OSBPL8: variants seen among roughly 807,000 people sequenced by gnomAD.
OSBPL8 encodes the protein oxysterol-binding protein-related protein 8.
A neutral mutation model predicts 125.5 loss-of-function variants in OSBPL8; 59 were observed. That is an observed-to-expected ratio of 0.47 (90% CI 0.38 to 0.58). The LOEUF (loss-of-function observed/expected upper bound fraction) is 0.58. OSBPL8 is among the 20% of genes least tolerant of loss of function. The pLI, the probability that OSBPL8 is intolerant of heterozygous loss-of-function variation, is 0.00. For synonymous variants in OSBPL8, 330 were observed against 338.9 expected (o/e 0.97, Z 0.29); for missense variants, 758 against 1,047.8 (o/e 0.72, Z 3.82).
chr12:76,473,964 C>T lies in OSBPL8; in HGVS notation c.42+13546G>A, dbSNP rs1876493509. On this transcript the variant is annotated intron_variant, in intron 2 of 23. Coordinates refer to ENST00000261183, the MANE Select transcript of OSBPL8 (RefSeq NM_020841.5). Reference sequence around the variant, plus strand: ...GGCATTTTGAATAGCTGGCGGCACACAGTAGAAATTTAATAAACATTAGTC... The same window carrying T: ...GGCATTTTGAATAGCTGGCGGCACATAGTAGAAATTTAATAAACATTAGTC... Among the ~76,000 whole-genome samples, 3 of 152,120 alleles carry T rather than the reference C, an allele frequency of 2.0e-5. No individual in the cohort carries two copies. The South Asian group carries it at 6.2e-4, about 32-fold the overall frequency.
intron 2 of OSBPL8, among the ~76,000 whole-genome samples, chr12:76,476,496 A>C (rs1229960679): frequency 6.6e-6 from 1 of 152,208 alleles, no homozygotes; most frequent in East Asian, 1.9e-4. Flanking sequence ...AATATTATAG[A>C]GAAATAAAAT....
At chr12:76,402,789 G>T (rs771678562) in intron 5 of OSBPL8, 23 bp from the exon 6 acceptor site, 29 of 1,462,730 alleles carry the variant, frequency 2.0e-5, no homozygotes, top group Non-Finnish European at 2.4e-5. Flanking sequence ...AGAAACAAGA[G>T]AAATTAAATC....
At chr12:76,487,757 A>T (rs1168767867) in intron 1 of OSBPL8, 139 bp from the exon 2 acceptor site, 1 of 409,118 alleles carries the variant, frequency 2.4e-6, no homozygotes, top group Non-Finnish European at 4.3e-6. Flanking sequence ...AAAAATTGAC[A>T]TGGGCTTGAA....
At chr12:76,453,983 C>A (rs1873719508) in intron 3 of OSBPL8, among the ~76,000 whole-genome samples, 1 of 152,106 alleles carries the variant, frequency 6.6e-6, no homozygotes, top group African/African-American at 2.4e-5. Context: ...AAATACAAAT[C>A]AAAATAATAA....
At chr12:76,490,921 T>C (rs1878650419) in intron 1 of OSBPL8, among the ~76,000 whole-genome samples, 2 of 152,256 alleles carry the variant, frequency 1.3e-5, no homozygotes, top group South Asian at 2.1e-4. Context: ...CTCCTGCCAG[T>C]GCCCAAAAGC....
intron 10 of OSBPL8, among the ~76,000 whole-genome samples, chr12:76,390,873 G>T (rs1197226266): frequency 6.6e-6 from 1 of 152,154 alleles, no homozygotes; most frequent in African/African-American, 2.4e-5. Context: ...CAGAGGCATA[G>T]AAAAATTAAA....
At chr12:76,473,843 T>G (rs983075076) in intron 2 of OSBPL8, among the ~76,000 whole-genome samples, 3 of 152,240 alleles carry the variant, frequency 2.0e-5, no homozygotes, top group African/African-American at 7.2e-5. Context: ...GTATCCCAGC[T>G]CTGCTACTTA....
chr12:76,414,450 GTTTTT>G (rs35085467), intron 4 of OSBPL8, among the ~76,000 whole-genome samples: 52 of 120,508 alleles, frequency 4.3e-4, no homozygotes, highest in African/African-American at 1.6e-3. Context: ...TATTTTTCTG[GTTTTT>G]TTTTTTTTTT....
At chr12:76,531,749 A>T (rs1410052441) in intron 1 of OSBPL8, among the ~76,000 whole-genome samples, 1 of 152,050 alleles carries the variant, frequency 6.6e-6, no homozygotes, top group Non-Finnish European at 1.5e-5. Context: ...AAAAAAACTG[A>T]CCAAAAGGCC....
intron 1 of OSBPL8, among the ~76,000 whole-genome samples, chr12:76,508,836 T>C (rs1405173325): frequency 6.6e-6 from 1 of 152,186 alleles, no homozygotes; most frequent in Non-Finnish European, 1.5e-5. Flanking sequence ...GTTCTGGGAA[T>C]TACCCACCCC....
intron 1 of OSBPL8, among the ~76,000 whole-genome samples, chr12:76,558,674 G>A (rs184897116): frequency 2.6e-5 from 4 of 152,348 alleles, no homozygotes; most frequent in African/African-American, 9.6e-5. Context: ...CAACGCAGAT[G>A]TGTCTCATAA....
chr12:76,376,749 T>C (rs1952832383), intron 16 of OSBPL8, among the ~76,000 whole-genome samples: 1 of 152,334 alleles, frequency 6.6e-6, no homozygotes, highest in South Asian at 2.1e-4. Context: ...CTTTTGTACA[T>C]GCTGGGTTGG....
At chr12:76,408,910 T>A (rs1954389820) in intron 5 of OSBPL8, among the ~76,000 whole-genome samples, 1 of 152,038 alleles carries the variant, frequency 6.6e-6, no homozygotes, top group East Asian at 1.9e-4. Flanking sequence ...GGTCTTTGTG[T>A]TTAGGTGTTT....
chr12:76,384,291 G>T lies in OSBPL8; in HGVS notation c.1593C>A (p.Cys531Ter). Reference protein sequence around the residue: ...FYVSNRKDGFCLSGSILAKSK... With the variant: ...FYVSNRKDGF The stretch of plus-strand genomic sequence containing the variant: ...ACTTAGCCAGGATACTACCGCTAAG[G>T]CAAAATCCATCTTTTCGATTACTAA... Residue 531 changes from cysteine to a stop codon, truncating the protein, a stop_gained, in exon 15 of 24, where the codon TGC (cysteine) becomes TGA (stop). Transcript: ENST00000261183. LOFTEE classifies it high-confidence loss of function. The T allele has an allele frequency of 6.4e-7, 1 of 1,568,448 alleles. No homozygotes were observed. The highest frequency in any genetic ancestry group is 8.7e-7 in the Non-Finnish European group (1 of 1,150,524).
chr12:76,496,717 T>C (rs1879314822), intron 1 of OSBPL8, among the ~76,000 whole-genome samples: 1 of 152,120 alleles, frequency 6.6e-6, no homozygotes, highest in Admixed American at 6.5e-5. Context: ...ATATTTTGTA[T>C]TTTTAGTAGA....
chr12:76,436,346 C>T (rs2136622257), intron 4 of OSBPL8, among the ~76,000 whole-genome samples: 1 of 152,242 alleles, frequency 6.6e-6, no homozygotes, highest in East Asian at 1.9e-4. Flanking sequence ...TGGTTCATTA[C>T]TTCATCTAAA....
chr12:76,429,758 C>T (rs1042285657), intron 4 of OSBPL8, among the ~76,000 whole-genome samples: 7 of 151,950 alleles, frequency 4.6e-5, no homozygotes, highest in Non-Finnish European at 7.4e-5. Context: ...AGCAAATGAG[C>T]GACAGAGACA....
chr12:76,530,643 A>G (rs571716079), intron 1 of OSBPL8, among the ~76,000 whole-genome samples: 75 of 152,282 alleles, frequency 4.9e-4, no homozygotes, highest in African/African-American at 1.6e-3. Flanking sequence ...GAAGCGCTCC[A>G]TAAGCAGTTT....
chr12:76,390,404 A>T lies in OSBPL8; in HGVS notation c.1167+16T>A. On this transcript the variant is annotated intron_variant, in intron 11 of 23. Coordinates refer to ENST00000261183, the MANE Select transcript of OSBPL8 (RefSeq NM_020841.5). The stretch of plus-strand genomic sequence containing the variant: ...AATATGAAAATCCAGAACCTCTAAA[A>T]ATAGCAGACTTTTACCTCTCCAAGT... 1 of 1,540,274 alleles carries T rather than the reference A, an allele frequency of 6.5e-7. No individual in the cohort carries two copies. Among genetic ancestry groups the T allele is most frequent in the Non-Finnish European group, 8.9e-7 (1 of 1,125,964 alleles).
Sources: gnomAD v4.1 joint callset for allele counts (sites outside exome capture counted in the v4.1 genomes callset) on GRCh38, gnomAD v4.1.1 for gene constraint, MANE v1.5 for transcripts, NCBI Gene and HGNC (gene_info 2026-07-23, HGNC 2026-07-21) for gene names.